ZBTB32: variants seen among roughly 807,000 people sequenced by gnomAD.
ZBTB32 encodes zinc finger and BTB domain-containing protein 32.
ZBTB32 carries 28 observed loss-of-function variants against 45.3 expected under a neutral mutation model. That is an observed-to-expected ratio of 0.62 (90% CI 0.46 to 0.85). The LOEUF (loss-of-function observed/expected upper bound fraction) is 0.85. ZBTB32 is among the 40% of genes least tolerant of loss of function. The pLI, the probability that ZBTB32 is intolerant of heterozygous loss-of-function variation, is 0.00. For synonymous variants in ZBTB32, 283 were observed against 255.7 expected, an observed-to-expected ratio of 1.11 and a Z score of -1.02; for missense variants, 587 against 624.4, an observed-to-expected ratio of 0.94 and a Z score of 0.64.
intron 1 of ZBTB32, among the ~76,000 whole-genome samples, chr19:35,707,195 T>TAAAAAA (rs537947581): frequency 9.4e-6 from 1 of 105,938 alleles, no homozygotes; most frequent in African/African-American, 3.7e-5. Context: ...ACTGTGTCTC[T>TAAAAAA]AAAAAAAAAA....
Position 35,715,060 on chromosome 19 carries a change from C to T in ZBTB32, c.434C>T (p.Pro145Leu), listed in dbSNP as rs1471400551. Residue 145 changes from proline to leucine, a missense_variant, in exon 3 of 7, where the codon CCT becomes CTT. Pro to Leu is a moderately conservative substitution (Grantham distance 98). Coordinates refer to ENST00000392197, the MANE Select transcript of ZBTB32 (RefSeq NM_014383.3). ...AATCCTGAGAGAGAACTGGGGGACC[C>T]TGGAGAGAAGCAGAAACCAGAACAG... ...SRNPERELGDPGEKQKPEQVS... is the reference protein window; with the variant it reads ...SRNPERELGDLGEKQKPEQVS... The T allele has an allele frequency of 1.2e-6, 2 of 1,613,846 alleles. No homozygotes were observed. The highest frequency in any genetic ancestry group is 2.7e-5 in the African/African-American group (2 of 75,050).
Position 35,714,996 on chromosome 19 carries a change from CT to C in ZBTB32, c.371del (p.Leu124ArgfsTer92). The part of the protein sequence containing the change: ...GDRAKKPDPG[L>X]KKHQEEPEKP... ...CAGGGCTAAAAAGCCAGATCCAGGC[CT>C]GAAGAAACATCAGGAGGAGCCAGAG... is the stretch of plus-strand genomic sequence containing the variant. On this transcript the variant is annotated frameshift_variant, in exon 3 of 7. Transcript: ENST00000392197. LOFTEE classifies it high-confidence loss of function. 6.2e-7 allele frequency: 1 copy of C among 1,608,924 alleles called. No homozygotes were observed. The highest frequency in any genetic ancestry group is 8.5e-7 in the Non-Finnish European group (1 of 1,177,930).
In ZBTB32 at chr19:35,714,555, C is replaced by T; in HGVS notation, c.-72C>T. The T allele has an allele frequency of 7.0e-7, 1 of 1,423,804 alleles. No homozygotes were observed. The highest frequency in any genetic ancestry group is 9.3e-7 in the Non-Finnish European group (1 of 1,072,998). 88.2% of individuals were successfully genotyped at this position (1,423,804 alleles called of 1,614,324 possible). On this transcript the variant is annotated 5_prime_UTR_variant, in exon 3 of 7. Transcript: ENST00000392197. ...ATGAGATGAGATGTTCCTCCCTCCC[C>T]TTTCAACCATGGACCTCACACTGTG...
In ZBTB32 at chr19:35,715,485, C is replaced by A; in HGVS notation, c.859C>A (p.Gln287Lys). 6.4e-7 allele frequency: 1 copy of A among 1,552,012 alleles called. No homozygotes were observed. Among genetic ancestry groups the A allele is most frequent in the Non-Finnish European group, 8.7e-7 (1 of 1,151,068 alleles). The change falls in exon 3 of 7, where the codon CAG becomes AAG. Residue 287 changes from glutamine (Q) to lysine (K), a missense_variant. By Grantham distance (53) the Gln-to-Lys change is moderately conservative (BLOSUM62 1). Coordinates refer to ENST00000392197, the MANE Select transcript of ZBTB32 (RefSeq NM_014383.3). ...TAGCACCCCCACCACTGGAGCCTGG[C>A]AGGAGGTCTGGCGGGAACAGAGGTG... ...YHSTPTTGAW[Q>K]EVWREQRIPL... is the part of the protein sequence containing the mutation.
chr19:35,708,894 C>G (rs1002074481), intron 1 of ZBTB32, among the ~76,000 whole-genome samples: 4 of 151,778 alleles, frequency 2.6e-5, no homozygotes, highest in African/African-American at 7.3e-5. Context: ...TCTCGGCTCA[C>G]CGCAACCTCC....
rs1968637275 is a variant in ZBTB32 at position 35,709,694 on chromosome 19, A to G, written c.-221-3223A>G. 2.6e-5 allele frequency among the ~76,000 whole-genome samples: 4 copies of G among 152,136 alleles called. No individual in the cohort carries two copies. In the South Asian group the frequency reaches 8.3e-4, roughly 31 times the overall value. ...GGAGTTCGAGACCAGCCTGGCCAAC[A>G]TGGTGAAACCCTGTCTCTACTAAAA... On this transcript the variant is annotated intron_variant, in intron 1 of 6. Coordinates refer to ENST00000392197, the MANE Select transcript of ZBTB32 (RefSeq NM_014383.3).
intron 2 of ZBTB32, 86 bp from the exon 3 acceptor site, chr19:35,714,437 C>G: frequency 1.8e-6 from 1 of 554,006 alleles, no homozygotes; most frequent in South Asian, 5.4e-5. Context: ...CTCCAATCCT[C>G]TCTTGGGTTA....
rs1968870363 is a variant in ZBTB32, at chr19:35,715,980, A to ATTT, written c.998_999insTTT (p.Met333delinsIleLeu). ...CCCCGCACAGCTCAGCCCTGGGGAG[A>ATTT]TGGAAGAGTCTGATCAGGGGCACAC... is the stretch of plus-strand genomic sequence containing the variant. On this transcript the variant is annotated protein_altering_variant, in exon 5 of 7. Transcript: ENST00000392197. 1 of 1,612,850 alleles carries ATTT rather than the reference A, an allele frequency of 6.2e-7. No individual in the cohort carries two copies. The highest frequency in any genetic ancestry group is 1.3e-5 in the African/African-American group (1 of 74,918).
At chr19:35,715,860 G>A in intron 4 of ZBTB32, 30 bp downstream of exon 4, 1 of 1,611,482 alleles carries the variant, frequency 6.2e-7, no homozygotes, top group Non-Finnish European at 8.5e-7. Flanking sequence ...GCATACACCT[G>A]TAACATGGTG....
Position 35,715,668 on chromosome 19 carries a change from CG to C in ZBTB32, c.882-84del, listed in dbSNP as rs956264842. On this transcript the variant is annotated intron_variant, in intron 3 of 6. Transcript: ENST00000392197. ...ACAGGGCACGCCAAAGCCCAGCCCCCGGGGGAGGACTTGGGATACCCCCTCT... is the reference window on the plus strand; with the variant it reads ...ACAGGGCACGCCAAAGCCCAGCCCCCGGGGAGGACTTGGGATACCCCCTCT... 4.7e-6 allele frequency: 7 copies of C among 1,496,760 alleles called. No homozygotes were observed. In the Admixed American group the frequency reaches 1.0e-4, roughly 22 times the overall value. 92.7% of individuals were successfully genotyped at this position (1,496,760 alleles called of 1,614,324 possible).
At chr19:35,709,431 T>C (rs1367685176) in intron 1 of ZBTB32, among the ~76,000 whole-genome samples, 1 of 152,212 alleles carries the variant, frequency 6.6e-6, no homozygotes, top group Non-Finnish European at 1.5e-5. Context: ...TGTTGCTGTG[T>C]TGACATTGTT....
chr19:35,712,188 G>A (rs977547645), intron 1 of ZBTB32, among the ~76,000 whole-genome samples: 6 of 152,198 alleles, frequency 3.9e-5, no homozygotes, highest in African/African-American at 9.6e-5. Flanking sequence ...TCCGCTGGGC[G>A]CAGTGGCTCA....
chr19:35,714,603 G>A lies in ZBTB32; in HGVS notation c.-24G>A, dbSNP rs759421746. ...GTGGACTTCCTCTTAGAGCCTCTGA[G>A]TTAGGTACCCAAGCCAAGGCACAAT... On this transcript the variant is annotated 5_prime_UTR_variant, in exon 3 of 7. Transcript: ENST00000392197. 3 of 1,504,070 alleles carry A rather than the reference G, an allele frequency of 2.0e-6. No individual in the cohort carries two copies. The highest frequency in any genetic ancestry group is 1.3e-5 in the South Asian group (1 of 74,078). 93.2% of individuals were successfully genotyped at this position (1,504,070 alleles called of 1,614,324 possible).
rs528866601 is a variant in ZBTB32, at chr19:35,710,697, G to A, written c.-221-2220G>A. On this transcript the variant is annotated intron_variant, in intron 1 of 6. Transcript: ENST00000392197. Reference sequence around the variant, plus strand: ...TGAACCCAGAGGCAGAGGTTGCAGTGAGCCGAGATGGCGCCACTGCACTCC... The same window carrying A: ...TGAACCCAGAGGCAGAGGTTGCAGTAAGCCGAGATGGCGCCACTGCACTCC... Among the ~76,000 whole-genome samples the A allele has an allele frequency of 3.9e-5, 6 of 152,296 alleles. 1 individual carries two copies. In the East Asian group the frequency reaches 1.2e-3, roughly 29 times the overall value.
chr19:35,712,022 C>A (rs1299994626), intron 1 of ZBTB32, among the ~76,000 whole-genome samples: 1 of 63,502 alleles, frequency 1.6e-5, no homozygotes, highest in Non-Finnish European at 2.7e-5. Flanking sequence ...GAGACTGCGT[C>A]TCAAAAAAAA....
intron 1 of ZBTB32, among the ~76,000 whole-genome samples, chr19:35,705,589 A>G (rs903861117): frequency 3.3e-5 from 5 of 152,080 alleles, no homozygotes; most frequent in African/African-American, 1.2e-4. Flanking sequence ...TGGATGAAGT[A>G]TTATTGCCTT....
chr19:35,712,680 C>T (rs1253435856), intron 1 of ZBTB32, among the ~76,000 whole-genome samples: 1 of 152,152 alleles, frequency 6.6e-6, no homozygotes, highest in Non-Finnish European at 1.5e-5. Context: ...TGTCATTTGT[C>T]ATCAGCCCAA....
rs761218615 is a variant in ZBTB32, at chr19:35,704,918, A to G, written c.-222+295A>G. Among the ~76,000 whole-genome samples the G allele has an allele frequency of 2.6e-5, 4 of 152,336 alleles. No individual in the cohort carries two copies. In the South Asian group the frequency reaches 8.3e-4, roughly 32 times the overall value. On this transcript the variant is annotated intron_variant, in intron 1 of 6. Transcript: ENST00000392197. Reference sequence around the variant, plus strand: ...GGAAGTTGGAGGTCCTTAACTCTGCATGAGGTATGGCCTCCGGACAATGAG... The same window carrying G: ...GGAAGTTGGAGGTCCTTAACTCTGCGTGAGGTATGGCCTCCGGACAATGAG...
chr19:35,716,498 A>G lies in ZBTB32; in HGVS notation c.1210A>G (p.Ser404Gly). 3 of 1,608,890 alleles carry G rather than the reference A, an allele frequency of 1.9e-6. No homozygotes were observed. Among genetic ancestry groups the G allele is most frequent in the Non-Finnish European group, 2.5e-6 (3 of 1,176,566 alleles). Residue 404 changes from serine to glycine, a missense_variant, in exon 7 of 7, where the codon AGC (serine) becomes GGC (glycine). Physicochemically the swap from Ser to Gly is moderately conservative, Grantham distance 56. Coordinates refer to ENST00000392197, the MANE Select transcript of ZBTB32 (RefSeq NM_014383.3). ...VHTGEKPFSC[S>G]LCPQRSRDFS... is the part of the protein sequence containing the mutation. ...TCTAGGAGAGAAGCCCTTCTCCTGT[A>G]GCCTTTGTCCTCAGCGCTCCCGGGA...
Sources: allele counts gnomAD v4.1 joint callset (sites outside exome capture counted in the v4.1 genomes callset), GRCh38; gene constraint gnomAD v4.1.1; transcripts MANE v1.5; gene names NCBI Gene and HGNC (gene_info 2026-07-23, HGNC 2026-07-21).